PAX3: variants seen among roughly 807,000 people sequenced by gnomAD.
The protein encoded by PAX3 is paired box protein Pax-3.
PAX3 carries 14 observed loss-of-function variants against 51.6 expected under a neutral mutation model. The observed-to-expected ratio is 0.27, with a 90% CI of 0.18 to 0.42. The LOEUF (loss-of-function observed/expected upper bound fraction) is 0.42. Among genes scored for constraint, PAX3 ranks in the 10% least tolerant of loss-of-function variants. The pLI, the probability that PAX3 is intolerant of heterozygous loss-of-function variation, is 1.00. For missense variants in PAX3, 540 were observed against 642.8 expected (o/e 0.84, Z 1.73); for synonymous variants, 280 against 253.4 (o/e 1.11, Z -1.00).
intron 5 of PAX3, among the ~76,000 whole-genome samples, chr2:222,223,949 A>G (rs974300927): frequency 1.3e-5 from 2 of 152,148 alleles, no homozygotes; most frequent in African/African-American, 4.8e-5. Context: ...TCAAGTTACT[A>G]TTGACTCAAG....
intron 7 of PAX3, among the ~76,000 whole-genome samples, chr2:222,219,398 G>GT (rs1420333372): frequency 1.1e-4 from 17 of 152,318 alleles, no homozygotes; most frequent in African/African-American, 3.8e-4. Context: ...CAAGGGATCT[G>GT]TATTTAAACA....
intron 4 of PAX3, among the ~76,000 whole-genome samples, chr2:222,292,489 C>T (rs1485960574): frequency 1.3e-5 from 2 of 152,178 alleles, no homozygotes; most frequent in Non-Finnish European, 2.9e-5. Flanking sequence ...TCATTTGGGA[C>T]GTTTTGTCTC....
chr2:222,239,693 T>C (rs2106108213), intron 4 of PAX3, among the ~76,000 whole-genome samples: 1 of 152,144 alleles, frequency 6.6e-6, no homozygotes, highest in South Asian at 2.1e-4. Flanking sequence ...CTGGGAGGGA[T>C]GGTTTACAAC....
intron 7 of PAX3, 88 bp downstream of exon 7, chr2:222,220,052 T>G: frequency 8.9e-7 from 1 of 1,121,262 alleles, no homozygotes; most frequent in Middle Eastern, 2.8e-4. Flanking sequence ...TGGTTTAAAT[T>G]TGGCAATTCA....
chr2:222,272,083 T>A (rs1195117987), intron 4 of PAX3, among the ~76,000 whole-genome samples: 1 of 152,168 alleles, frequency 6.6e-6, no homozygotes, highest in Non-Finnish European at 1.5e-5. Flanking sequence ...CAGACAACAT[T>A]GACCTGGGAT....
chr2:222,290,102 G>A (rs1694975636), intron 4 of PAX3, among the ~76,000 whole-genome samples: 1 of 152,108 alleles, frequency 6.6e-6, no homozygotes, highest in South Asian at 2.1e-4. Context: ...CTCACTAACC[G>A]GGAAAGAAAC....
At chr2:222,219,141 G>T (rs964647584) in intron 7 of PAX3, among the ~76,000 whole-genome samples, 1 of 152,106 alleles carries the variant, frequency 6.6e-6, no homozygotes, top group Non-Finnish European at 1.5e-5. Context: ...CTTAGGCAGC[G>T]GTGATAGTCA....
rs866234133 is a variant in PAX3, at chr2:222,201,023, G to T, written c.*385C>A. On this transcript the variant is annotated 3_prime_UTR_variant, in exon 9 of 9. Coordinates refer to ENST00000392070, the MANE Select transcript of PAX3 (RefSeq NM_181458.4). ...AGTCTGCTTGCCCAAACCAGTCTGGGTAAATCTCAATACACACACACACAC... is the reference window on the plus strand; with the variant it reads ...AGTCTGCTTGCCCAAACCAGTCTGGTTAAATCTCAATACACACACACACAC... The T allele has an allele frequency of 1.1e-5, 9 of 808,770 alleles. No individual in the cohort carries two copies. Among genetic ancestry groups the T allele is most frequent in the Non-Finnish European group, 1.8e-5 (9 of 495,224 alleles). The allele number at this position is 808,770 out of a possible 1,614,324, so 50.1% of individuals were successfully genotyped here. A position where few individuals can be genotyped will look rare whatever the true frequency, so the allele number is the denominator to read the frequency against.
chr2:222,209,568 C>A (rs1270944588), intron 7 of PAX3, among the ~76,000 whole-genome samples: 1 of 151,544 alleles, frequency 6.6e-6, no homozygotes, highest in Non-Finnish European at 1.5e-5. Context: ...ATTTAAAATT[C>A]ATGGAATTTG....
At chr2:222,281,138 A>G (rs556983190) in intron 4 of PAX3, among the ~76,000 whole-genome samples, 2 of 152,180 alleles carry the variant, frequency 1.3e-5, no homozygotes, top group Non-Finnish European at 2.9e-5. Context: ...TCAATTCCCA[A>G]ATGATATTCT....
intron 4 of PAX3, among the ~76,000 whole-genome samples, chr2:222,245,618 AG>A (rs1693197475): frequency 1.3e-5 from 2 of 152,042 alleles, no homozygotes; most frequent in Non-Finnish European, 2.9e-5. Flanking sequence ...TGTGGGAGAG[AG>A]TAAAGGAGGG....
chr2:222,255,481 G>T (rs1693604178), intron 4 of PAX3, among the ~76,000 whole-genome samples: 1 of 152,166 alleles, frequency 6.6e-6, no homozygotes. Context: ...ATCACTTAAA[G>T]TGGTCCCAGA....
intron 5 of PAX3, among the ~76,000 whole-genome samples, chr2:222,224,898 G>C (rs1334470485): frequency 6.6e-6 from 1 of 152,180 alleles, no homozygotes; most frequent in Non-Finnish European, 1.5e-5. Context: ...ACTGGCCTAT[G>C]ACTGATGTTC....
intron 4 of PAX3, among the ~76,000 whole-genome samples, chr2:222,249,559 G>A (rs1693348632): frequency 6.6e-6 from 1 of 152,174 alleles, no homozygotes; most frequent in Admixed American, 6.5e-5. Flanking sequence ...TCCATGTTTT[G>A]CAGAGGTTTG....
chr2:222,230,653 G>A lies in PAX3; in HGVS notation c.792+1425C>T, dbSNP rs559556804. ...GGCCAGATCACGAGGTCAGGAGTTCGAGACCAGCCTGACCAACATGGTGAA... is the reference window on the plus strand; with the variant it reads ...GGCCAGATCACGAGGTCAGGAGTTCAAGACCAGCCTGACCAACATGGTGAA... On this transcript the variant is annotated intron_variant, in intron 5 of 8. Transcript: ENST00000392070. 1.5e-4 allele frequency among the ~76,000 whole-genome samples: 23 copies of A among 151,978 alleles called. No homozygotes were observed. In the South Asian group the frequency reaches 4.2e-3, roughly 28 times the overall value.
chr2:222,283,948 A>G (rs528405551), intron 4 of PAX3, among the ~76,000 whole-genome samples: 55 of 152,376 alleles, frequency 3.6e-4, no homozygotes, highest in African/African-American at 1.3e-3. Context: ...CTTACTAGCC[A>G]GGCTATTTTC....
chr2:222,223,189 C>T (rs1162827330), intron 5 of PAX3, among the ~76,000 whole-genome samples: 5 of 98,750 alleles, frequency 5.1e-5, no homozygotes, highest in Non-Finnish European at 2.3e-5. Flanking sequence ...CTCACCCAAG[C>T]ATTTGTCTGA....
chr2:222,265,799 CTTCTT>C (rs1694038255), intron 4 of PAX3, among the ~76,000 whole-genome samples: 1 of 152,200 alleles, frequency 6.6e-6, no homozygotes, highest in African/African-American at 2.4e-5. Context: ...ATGATTTTGA[CTTCTT>C]TAGTTTATGC....
chr2:222,273,435 T>C (rs1025483381), intron 4 of PAX3, among the ~76,000 whole-genome samples: 2 of 152,224 alleles, frequency 1.3e-5, no homozygotes, highest in African/African-American at 4.8e-5. Context: ...TGCCAACAGC[T>C]ATTTCTTCTA....
Sources: allele counts gnomAD v4.1 joint callset (sites outside exome capture counted in the v4.1 genomes callset), GRCh38; gene constraint gnomAD v4.1.1; transcripts MANE v1.5; gene names NCBI Gene and HGNC (gene_info 2026-07-23, HGNC 2026-07-21).